The following ZDHHC21 variants were observed in gnomAD, a reference collection of about 807,000 sequenced individuals.
The protein encoded by ZDHHC21 is zDHHC palmitoyltransferase 21, also known as palmitoyltransferase ZDHHC21.
In ZDHHC21, 15 loss-of-function variants were observed where a neutral mutation model predicts 34.6. That is an observed-to-expected ratio of 0.43 (90% CI 0.29 to 0.67). The LOEUF (loss-of-function observed/expected upper bound fraction) is 0.67. Among genes scored for constraint, ZDHHC21 ranks in the 30% least tolerant of loss-of-function variants. ZDHHC21 has a pLI of 0.14. For missense variants in ZDHHC21, 344 were observed against 327.7 expected (o/e 1.05, Z -0.38); for synonymous variants, 142 against 101.8 (o/e 1.40, Z -2.38).
chr9:14,598,118 A>T, the ZDHHC21 span, among the ~76,000 whole-genome samples: 1 of 152,116 alleles, frequency 6.6e-6, no homozygotes, highest in East Asian at 1.9e-4. Flanking sequence ...CAACCAGCCC[A>T]GAGCAAGCTG....
chr9:14,692,595 C>A (rs1453080268), intron 1 of ZDHHC21, among the ~76,000 whole-genome samples: 3 of 143,668 alleles, frequency 2.1e-5, no homozygotes, highest in Non-Finnish European at 4.6e-5. Context: ...TGAAAAAGAC[C>A]GTAACTTAAA....
chr9:14,635,942 C>T (rs1370712703), intron 8 of ZDHHC21, among the ~76,000 whole-genome samples: 1 of 152,012 alleles, frequency 6.6e-6, no homozygotes. Context: ...CTAATGTTAC[C>T]ACTACACAAA....
rs1824447806 is a variant in ZDHHC21 at position 14,617,549 on chromosome 9, C to T, written c.*1417G>A. The T allele has an allele frequency of 6.6e-6, 1 of 151,842 alleles. No individual in the cohort carries two copies. Among genetic ancestry groups the T allele is most frequent in the African/African-American group, 2.4e-5 (1 of 41,376 alleles). 9.4% of individuals were successfully genotyped at this position (151,842 alleles called of 1,614,324 possible). On this transcript the variant is annotated 3_prime_UTR_variant, in exon 10 of 10. Coordinates refer to ENST00000380916, the MANE Select transcript of ZDHHC21 (RefSeq NM_178566.6). ...GGAAAATGTTAGCATGGTTTATGAA[C>T]AGTAGACTTTTTCAATCTTCTCTTC...
chr9:14,624,988 A>T (rs1304980024), intron 8 of ZDHHC21, among the ~76,000 whole-genome samples: 1 of 152,098 alleles, frequency 6.6e-6, no homozygotes, highest in African/African-American at 2.4e-5. Context: ...TCACAATTAG[A>T]GAAAAACTTT....
intron 1 of ZDHHC21, among the ~76,000 whole-genome samples, chr9:14,692,817 G>A (rs1291012561): frequency 2.1e-5 from 3 of 142,916 alleles, no homozygotes; most frequent in Non-Finnish European, 3.1e-5. Flanking sequence ...AGAGAAACCC[G>A]GGATCCCAGT....
downstream of ZDHHC21, among the ~76,000 whole-genome samples, chr9:14,610,717 G>A (rs1228148826): frequency 6.6e-6 from 1 of 151,850 alleles, no homozygotes; most frequent in Non-Finnish European, 1.5e-5. Context: ...GCATTTTACT[G>A]TAAGTAAATT....
In ZDHHC21 at chr9:14,688,000, G is replaced by C. The variant is rs534042325; in HGVS notation, c.-176+2337C>G. Reference sequence around the variant, plus strand: ...TTGACTTCTGATATCATTCTACTCTGAAAATTAGTCAAGTGTGGCAGTTAA... The same window carrying C: ...TTGACTTCTGATATCATTCTACTCTCAAAATTAGTCAAGTGTGGCAGTTAA... On this transcript the variant is annotated intron_variant, in intron 2 of 9. Coordinates refer to ENST00000380916, the MANE Select transcript of ZDHHC21 (RefSeq NM_178566.6). Among the ~76,000 whole-genome samples, 8 of 151,024 alleles carry C rather than the reference G, an allele frequency of 5.3e-5. No homozygotes were observed. In the South Asian group the frequency reaches 1.0e-3, roughly 20 times the overall value.
chr9:14,674,954 T>C lies in ZDHHC21; in HGVS notation c.-45-569A>G, dbSNP rs182452707. On this transcript the variant is annotated intron_variant, in intron 3 of 9. Transcript: ENST00000380916. Reference sequence around the variant, plus strand: ...ATATGTAAACATTCACTGAGCTGTATACTTCAGATTTGTGCACTCTAGTTT... The same window carrying C: ...ATATGTAAACATTCACTGAGCTGTACACTTCAGATTTGTGCACTCTAGTTT... 8.5e-5 allele frequency among the ~76,000 whole-genome samples: 13 copies of C among 152,176 alleles called. No homozygotes were observed. The East Asian group carries it at 2.5e-3, about 29-fold the overall frequency.
chr9:14,693,282 CT>C lies in ZDHHC21; in HGVS notation c.-279del. 2.4e-6 allele frequency: 1 copy of C among 419,464 alleles called. No individual in the cohort carries two copies. Among genetic ancestry groups the C allele is most frequent in the Non-Finnish European group, 4.7e-6 (1 of 212,696 alleles). 26.0% of individuals were successfully genotyped at this position (419,464 alleles called of 1,614,324 possible). The stretch of plus-strand genomic sequence containing the variant: ...GCCGCTCTCCCGACCGCCAGCAGCT[CT>C]TTCCCCTCCTCCTGCCGCGCCACCT... On this transcript the variant is annotated 5_prime_UTR_variant, in exon 1 of 10. The change creates a premature stop within an existing upstream ORF in the 5' untranslated region. Coordinates refer to ENST00000380916, the MANE Select transcript of ZDHHC21 (RefSeq NM_178566.6).
At chr9:14,647,677 AC>A in intron 7 of ZDHHC21, among the ~76,000 whole-genome samples, 1 of 52,708 alleles carries the variant, frequency 1.9e-5, no homozygotes, top group East Asian at 3.6e-4. Flanking sequence ...CTTTCAATTT[AC>A]CACCACGTTT....
intron 8 of ZDHHC21, among the ~76,000 whole-genome samples, chr9:14,635,284 A>G (rs1234154859): frequency 1.3e-5 from 2 of 152,232 alleles, no homozygotes; most frequent in Admixed American, 1.3e-4. Context: ...ACAGCTGAAA[A>G]CTTCTCAAGT....
intron 7 of ZDHHC21, among the ~76,000 whole-genome samples, chr9:14,641,328 A>G (rs1829330477): frequency 6.6e-6 from 1 of 152,194 alleles, no homozygotes; most frequent in East Asian, 1.9e-4. Flanking sequence ...AAACTTCAGT[A>G]AAAAGAACCC....
chr9:14,619,197 T>C (rs1051168090), intron 9 of ZDHHC21, 99 bp from the exon 10 acceptor site: 1 of 1,254,280 alleles, frequency 8.0e-7, no homozygotes, highest in African/African-American at 1.5e-5. Context: ...TACTGGACTC[T>C]GATGAATTGT....
chr9:14,607,404 CA>C (rs149573572), downstream of ZDHHC21, among the ~76,000 whole-genome samples: 4,320 of 149,938 alleles, frequency 0.029, 199 homozygotes, highest in African/African-American at 0.1. Flanking sequence ...ACCCTGTATC[CA>C]AAAAAAAAGT....
intron 1 of ZDHHC21, 40 bp from the exon 2 acceptor site, chr9:14,690,425 T>G (rs75806391): frequency 2.2e-6 from 1 of 446,288 alleles, no homozygotes; most frequent in Admixed American, 2.5e-5. Context: ...AGAAGCTTGG[T>G]TGACATCACA....
At chr9:14,592,311 G>A in the ZDHHC21 span, among the ~76,000 whole-genome samples, 1 of 151,796 alleles carries the variant, frequency 6.6e-6, no homozygotes, top group South Asian at 2.1e-4. Flanking sequence ...CAGAAACTTT[G>A]TTTCGATATA....
At chr9:14,603,308 T>C in the ZDHHC21 span, among the ~76,000 whole-genome samples, 16 of 152,112 alleles carry the variant, frequency 1.1e-4, no homozygotes. Flanking sequence ...TTATGTCAAA[T>C]AGGAGGAGTT....
intron 7 of ZDHHC21, among the ~76,000 whole-genome samples, chr9:14,650,056 A>T (rs1830954007): frequency 6.6e-6 from 1 of 152,058 alleles, no homozygotes; most frequent in Non-Finnish European, 1.5e-5. Context: ...ATAACTGACT[A>T]TGGAAACATG....
At chr9:14,661,870 TAGAA>T (rs1833459349) in intron 6 of ZDHHC21, among the ~76,000 whole-genome samples, 1 of 152,222 alleles carries the variant, frequency 6.6e-6, no homozygotes. Flanking sequence ...TTATTACAAT[TAGAA>T]ATAGCTACCA....
Sources: allele counts gnomAD v4.1 joint callset (sites outside exome capture counted in the v4.1 genomes callset), GRCh38; gene constraint gnomAD v4.1.1; transcripts MANE v1.5; gene names NCBI Gene and HGNC (gene_info 2026-07-23, HGNC 2026-07-21).